DLGAP2: variants seen among roughly 807,000 people sequenced by gnomAD.
DLGAP2 encodes the protein DLG associated protein 2.
A neutral mutation model predicts 100.3 loss-of-function variants in DLGAP2; 26 were observed. That is an observed-to-expected ratio of 0.26 (90% confidence interval 0.19 to 0.36). The LOEUF (loss-of-function observed/expected upper bound fraction) is 0.36, where lower values mean the gene tolerates loss of function less well. Among genes scored for constraint, DLGAP2 ranks in the 10% least tolerant of loss-of-function variants. The pLI is 1.00. For synonymous variants in DLGAP2, 886 were observed against 630.1 expected, an observed-to-expected ratio of 1.41 and a Z score of -6.08; for missense variants, 1,858 against 1,453.2, an observed-to-expected ratio of 1.28 and a Z score of -4.53.
intron 2 of DLGAP2, among the ~76,000 whole-genome samples, chr8:1,252,437 T>C (rs973675336): frequency 2.6e-5 from 4 of 152,200 alleles, no homozygotes; most frequent in Non-Finnish European, 4.4e-5. Flanking sequence ...CATGCCACAC[T>C]TGTCACACTG....
chr8:1,447,714 C>T (rs1427566706), intron 3 of DLGAP2, among the ~76,000 whole-genome samples: 1 of 152,170 alleles, frequency 6.6e-6, no homozygotes, highest in Non-Finnish European at 1.5e-5. Context: ...TCCATTTGGT[C>T]CTGGACTTTT....
intron 3 of DLGAP2, among the ~76,000 whole-genome samples, chr8:1,344,095 C>CCTGTCGTGGGTCTTTGTACTCGGGGCG (rs1563094909): frequency 0.016 from 2,459 of 149,302 alleles, 207 homozygotes; most frequent in African/African-American, 0.06. Flanking sequence ...TACTCGGGGC[C>CCTGTCGTGGGTCTTTGTACTCGGGGCG]CTGTCGTGGG....
At chr8:1,093,636 C>T (rs1437815716) in intron 2 of DLGAP2, among the ~76,000 whole-genome samples, 1 of 151,934 alleles carries the variant, frequency 6.6e-6, no homozygotes, top group Non-Finnish European at 1.5e-5. Context: ...CAGACAGAAA[C>T]ACTTTCACAC....
At chr8:1,298,079 C>A (rs11990381) in intron 3 of DLGAP2, among the ~76,000 whole-genome samples, 1 of 21,382 alleles carries the variant, frequency 4.7e-5, no homozygotes, top group African/African-American at 2.9e-4. Context: ...TGGCAGGCGT[C>A]AACAGACACC....
At chr8:1,125,856 G>C (rs1796151510) in intron 2 of DLGAP2, among the ~76,000 whole-genome samples, 1 of 152,238 alleles carries the variant, frequency 6.6e-6, no homozygotes, top group African/African-American at 2.4e-5. Context: ...GTGGTGGGGA[G>C]GTGGAAATGC....
chr8:1,518,446 G>A (rs533215619), intron 4 of DLGAP2, among the ~76,000 whole-genome samples: 5 of 152,182 alleles, frequency 3.3e-5, no homozygotes, highest in African/African-American at 1.2e-4. Context: ...CTTCATGTAT[G>A]CTTGTGCATT....
chr8:1,701,195 G>A lies in DLGAP2; in HGVS notation c.2957G>A (p.Arg986Lys). The A allele has an allele frequency of 1.9e-6, 3 of 1,560,784 alleles. No individual in the cohort carries two copies. Among genetic ancestry groups the A allele is most frequent in the South Asian group, 1.2e-5 (1 of 84,432 alleles). Residue 986 changes from arginine (R) to lysine (K), a missense_variant, in exon 15 of 15, where the codon AGA (arginine) becomes AAA (lysine). Coordinates refer to ENST00000637795, the MANE Select transcript of DLGAP2 (RefSeq NM_001346810.2). The stretch of plus-strand genomic sequence containing the variant: ...ACTTGCGCTGCTTTTCAGGAAGAAA[G>A]AAAGGTCCCGCCTCCAATACCAAAG... ...MMESPERKEE[R>K]KVPPPIPKKP... is the part of the protein sequence containing the mutation.
chr8:1,688,458 A>G (rs2130871615), intron 12 of DLGAP2: 1 of 152,312 alleles, frequency 6.6e-6, no homozygotes, highest in African/African-American at 2.4e-5. Flanking sequence ...GAAGCAATGG[A>G]GAATTAGGTG....
chr8:1,226,547 C>T (rs1406272008), intron 2 of DLGAP2, among the ~76,000 whole-genome samples: 2 of 152,102 alleles, frequency 1.3e-5, no homozygotes, highest in East Asian at 1.9e-4. Flanking sequence ...TTGATGGGTG[C>T]AGCAAACCAC....
intron 2 of DLGAP2, among the ~76,000 whole-genome samples, chr8:1,202,967 C>T (rs547804129): frequency 3.3e-5 from 5 of 152,300 alleles, no homozygotes; most frequent in African/African-American, 9.6e-5. Context: ...AGCGACATCA[C>T]GGTTTCCGTG....
intron 1 of DLGAP2, among the ~76,000 whole-genome samples, chr8:891,061 C>T (rs1798024273): frequency 6.6e-6 from 1 of 152,028 alleles, no homozygotes; most frequent in Admixed American, 6.5e-5. Flanking sequence ...GTGTGGCATC[C>T]TCTTCTGGCT....
At chr8:1,601,129 C>G (rs1796610189) in intron 6 of DLGAP2, among the ~76,000 whole-genome samples, 1 of 152,168 alleles carries the variant, frequency 6.6e-6, no homozygotes, top group African/African-American at 2.4e-5. Context: ...CCATCAGGCC[C>G]CTCTTCTCAG....
intron 2 of DLGAP2, among the ~76,000 whole-genome samples, chr8:913,806 A>T (rs1798537145): frequency 6.6e-6 from 1 of 152,254 alleles, no homozygotes; most frequent in Non-Finnish European, 1.5e-5. Flanking sequence ...GTCCTGAATT[A>T]TCCACATGTG....
intron 2 of DLGAP2, among the ~76,000 whole-genome samples, chr8:1,190,966 G>A (rs1458539109): frequency 2.0e-5 from 3 of 152,162 alleles, no homozygotes; most frequent in Non-Finnish European, 2.9e-5. Flanking sequence ...GCGCAGCGAG[G>A]GGGGTGGGTG....
chr8:1,548,863 CGCGCAGCTCGGT>C lies in DLGAP2; in HGVS notation c.413_424del (p.Arg138_Val141del). ...CCCGGGGGGCGCCACCGCTGCTCGC[CGCGCAGCTCGGT>C]GCACTCGGAGTGCGTGATGATGCCG... On this transcript the variant is annotated inframe_deletion, in exon 5 of 15. Coordinates refer to ENST00000637795, the MANE Select transcript of DLGAP2 (RefSeq NM_001346810.2). 1 of 1,586,970 alleles carries C rather than the reference CGCGCAGCTCGGT, an allele frequency of 6.3e-7. No homozygotes were observed. Among genetic ancestry groups the C allele is most frequent in the Non-Finnish European group, 8.5e-7 (1 of 1,171,590 alleles).
chr8:1,188,461 C>G (rs1295513607), intron 2 of DLGAP2, among the ~76,000 whole-genome samples: 1 of 136,520 alleles, frequency 7.3e-6, no homozygotes, highest in African/African-American at 3.4e-5. Context: ...CTCACGGAAT[C>G]TCGCACGCCC....
rs1228637503 is a variant in DLGAP2, at chr8:1,142,199, G to GT, written c.74-116646dup. On this transcript the variant is annotated intron_variant, in intron 2 of 14. Transcript: ENST00000637795. Reference sequence around the variant, plus strand: ...TAAGGTTCTGAGAGGTTGCTATACAGTTTTTTGTGTGTATTAATTGTATAA... The same window carrying GT: ...TAAGGTTCTGAGAGGTTGCTATACAGTTTTTTTGTGTGTATTAATTGTATAA... 3.9e-5 allele frequency among the ~76,000 whole-genome samples: 6 copies of GT among 152,100 alleles called. No homozygotes were observed. The South Asian group carries it at 8.3e-4, about 21-fold the overall frequency.
intron 2 of DLGAP2, among the ~76,000 whole-genome samples, chr8:1,226,602 A>G (rs115824574): frequency 6.6e-5 from 10 of 152,310 alleles, no homozygotes; most frequent in African/African-American, 2.4e-4. Flanking sequence ...TGTCGTGTAC[A>G]TGTATCCTGG....
chr8:1,498,581 G>C (rs1422442053), intron 3 of DLGAP2, among the ~76,000 whole-genome samples: 1 of 152,228 alleles, frequency 6.6e-6, no homozygotes, highest in East Asian at 1.9e-4. Context: ...AAGAAAGCCA[G>C]AGTGCAGAGC....
Sources: allele counts gnomAD v4.1 joint callset (sites outside exome capture counted in the v4.1 genomes callset), GRCh38; gene constraint gnomAD v4.1.1; transcripts MANE v1.5; gene names NCBI Gene and HGNC (gene_info 2026-07-23, HGNC 2026-07-21).